The following GAPDHS variants were observed in gnomAD, a reference collection of about 807,000 sequenced individuals.
GAPDHS encodes the protein glyceraldehyde-3-phosphate dehydrogenase, spermatogenic, also known as glyceraldehyde-3-phosphate dehydrogenase, testis-specific.
A neutral mutation model predicts 48.7 loss-of-function variants in GAPDHS; 42 were observed. The observed-to-expected ratio is 0.86, with a 90% confidence interval of 0.67 to 1.12. The LOEUF (loss-of-function observed/expected upper bound fraction) is 1.12. Ranked by LOEUF, GAPDHS falls within the 50% of genes most tolerant of loss-of-function variation. GAPDHS has a pLI of 0.00. For synonymous variants in GAPDHS, 166 were observed against 219.1 expected (o/e 0.76, Z 2.14); for missense variants, 512 against 557.7 (o/e 0.92, Z 0.82).
chr19:35,544,242 G>A (rs1350758973), intron 9 of GAPDHS: 2 of 173,374 alleles, frequency 1.2e-5, no homozygotes, highest in Non-Finnish European at 2.5e-5. Context: ...TACATGCTTA[G>A]TGAACAAAAG....
Position 35,542,972 on chromosome 19 carries a change from G to A in GAPDHS, c.687G>A (p.Leu229=). 6.2e-7 allele frequency: 1 copy of A among 1,614,128 alleles called. No homozygotes were observed. The highest frequency in any genetic ancestry group is 8.5e-7 in the Non-Finnish European group (1 of 1,179,948). Residue 229 remains leucine, a synonymous_variant, in exon 7 of 11, where the codon TTG becomes TTA. Transcript: ENST00000222286. The stretch of plus-strand genomic sequence containing the variant: ...ACGCGTCCTGCACCACCAACTGTTT[G>A]GCTCCCCTCGCCAAAGTCATCCACG... ...VSNASCTTNC[L]APLAKVIHER... is the part of the protein sequence containing the mutation.
At chr19:35,540,049 C>G (rs2071491663) in intron 4 of GAPDHS, among the ~76,000 whole-genome samples, 1 of 152,226 alleles carries the variant, frequency 6.6e-6, no homozygotes, top group African/African-American at 2.4e-5. Context: ...TGCACCTCCG[C>G]TAGCTAGCTG....
rs777082357 is a variant in GAPDHS, at chr19:35,542,942, C to T, written c.660-3C>T. The T allele has an allele frequency of 8.7e-6, 14 of 1,613,132 alleles. No individual in the cohort carries two copies. The highest frequency in any genetic ancestry group is 1.2e-5 in the Non-Finnish European group (14 of 1,179,032). On this transcript the variant is annotated splice_polypyrimidine_tract_variant and splice_region_variant and intron_variant, in intron 6 of 10. Coordinates refer to ENST00000222286, the MANE Select transcript of GAPDHS (RefSeq NM_014364.5). ...GTGTCCGTGCACACCTTGGCTGTTT[C>T]AGCAACGCGTCCTGCACCACCAACT...
chr19:35,545,057 C>G, intron 10 of GAPDHS, 41 bp from the exon 11 acceptor site: 1 of 1,603,788 alleles, frequency 6.2e-7, no homozygotes, highest in Non-Finnish European at 8.5e-7. Flanking sequence ...AAGGGGTGGT[C>G]GGAAGGAACC....
At position 35,537,093 on chromosome 19, in the gene GAPDHS, C is replaced by T. The variant is rs538933884; in HGVS notation, c.245+103C>T. 2.8e-4 allele frequency: 273 copies of T among 978,082 alleles called. 1 individual carries two copies. Among genetic ancestry groups the T allele is most frequent in the Non-Finnish European group, 3.8e-4 (249 of 650,982 alleles). The allele number at this position is 978,082 out of a possible 1,614,324, so 60.6% of individuals were successfully genotyped here. On this transcript the variant is annotated intron_variant, in intron 2 of 10. Coordinates refer to ENST00000222286, the MANE Select transcript of GAPDHS (RefSeq NM_014364.5). ...CCACATTTCCCCCCATCAATGCTTT[C>T]GTTCCGACGACCCTGGAGAAATAGC...
Position 35,543,834 on chromosome 19 carries a change from G to A in GAPDHS, c.1056+7G>A, listed in dbSNP as rs1239231701. ...TGCCTACACCGAGGATGAGGTAGGG[G>A]CTGAGGAGAGGAGACCCTGGGAGGA... On this transcript the variant is annotated splice_region_variant and intron_variant, in intron 9 of 10. Transcript: ENST00000222286. The A allele has an allele frequency of 2.5e-6, 4 of 1,602,404 alleles. No individual in the cohort carries two copies. Among genetic ancestry groups the A allele is most frequent in the Non-Finnish European group, 2.6e-6 (3 of 1,174,732 alleles).
At position 35,543,372 on chromosome 19, in the gene GAPDHS, G is replaced by C. The variant is rs2071519174; in HGVS notation, c.774G>C (p.Lys258Asn). 6.2e-7 allele frequency: 1 copy of C among 1,612,910 alleles called. No individual in the cohort carries two copies. ...TTVHSYTATQ[K>N]TVDGPSRKAW... is the part of the protein sequence containing the mutation. Reference sequence around the variant, plus strand: ...TCCATTCCTACACGGCCACCCAGAAGACAGTGGACGGGCCATCAAGGAAGG... The same window carrying C: ...TCCATTCCTACACGGCCACCCAGAACACAGTGGACGGGCCATCAAGGAAGG... The change falls in exon 8 of 11, where the codon AAG becomes AAC. Residue 258 changes from lysine (K) to asparagine (N), a missense_variant. Coordinates refer to ENST00000222286, the MANE Select transcript of GAPDHS (RefSeq NM_014364.5).
Position 35,536,810 on chromosome 19 carries a change from T to G in GAPDHS, c.68-3T>G, listed in dbSNP as rs200903529. The G allele has an allele frequency of 2.5e-4, 402 of 1,601,154 alleles. No homozygotes were observed. The highest frequency in any genetic ancestry group is 2.5e-3 in the Middle Eastern group (15 of 6,004). On this transcript the variant is annotated splice_region_variant and splice_polypyrimidine_tract_variant and intron_variant, in intron 1 of 10. Transcript: ENST00000222286. ...AACCCATTCCCTCCCTTCCCCCGCA[T>G]AGTGACCAGAGCACCGCCCCCACCT... is the stretch of plus-strand genomic sequence containing the variant.
At position 35,543,829 on chromosome 19, in the gene GAPDHS, T is replaced by C. The variant is rs1600134988; in HGVS notation, c.1056+2T>C. On this transcript the variant is annotated splice_donor_variant, in intron 9 of 10. Coordinates refer to ENST00000222286, the MANE Select transcript of GAPDHS (RefSeq NM_014364.5). LOFTEE classifies it high-confidence loss of function. ...ATCCTTGCCTACACCGAGGATGAGG[T>C]AGGGGCTGAGGAGAGGAGACCCTGG... 6.2e-7 allele frequency: 1 copy of C among 1,609,026 alleles called. No homozygotes were observed. The highest frequency in any genetic ancestry group is 8.5e-7 in the Non-Finnish European group (1 of 1,178,036).
intron 6 of GAPDHS, 54 bp downstream of exon 6, chr19:35,542,662 TC>T: frequency 8.4e-7 from 1 of 1,192,844 alleles, no homozygotes; most frequent in Non-Finnish European, 1.2e-6. Context: ...AGACTCGTCC[TC>T]CCCACCCTCA....
chr19:35,544,754 G>A, intron 9 of GAPDHS, 155 bp from the exon 10 acceptor site: 1 of 648,684 alleles, frequency 1.5e-6, no homozygotes. Flanking sequence ...CCTGCACTTG[G>A]TCATACCCTC....
chr19:35,534,193 G>GCACA lies in GAPDHS; in HGVS notation c.67+615_67+618dup, dbSNP rs3216892. On this transcript the variant is annotated intron_variant, in intron 1 of 10. Coordinates refer to ENST00000222286, the MANE Select transcript of GAPDHS (RefSeq NM_014364.5). ...ACAAGGGCGGCGCGCCCGCGCGCGC[G>GCACA]CACACACACACACACACACTCACTC... Among the ~76,000 whole-genome samples, 20 of 137,018 alleles carry GCACA rather than the reference G, an allele frequency of 1.5e-4. No individual in the cohort carries two copies. In the South Asian group the frequency reaches 3.1e-3, roughly 21 times the overall value. 89.9% of individuals were successfully genotyped at this position (137,018 alleles called of 152,430 possible).
chr19:35,536,401 C>T (rs1018471571), intron 1 of GAPDHS, among the ~76,000 whole-genome samples: 1 of 151,802 alleles, frequency 6.6e-6, no homozygotes, highest in African/African-American at 2.4e-5. Flanking sequence ...CCAAGTGAAA[C>T]CCTGTATCTA....
chr19:35,533,615 C>A (rs758021713), intron 1 of GAPDHS, 21 bp downstream of exon 1: 26 of 1,594,500 alleles, frequency 1.6e-5, no homozygotes, highest in Non-Finnish European at 2.1e-5. Flanking sequence ...CAGCGGAGGG[C>A]GCGGGGGAGG....
rs773329392 is a variant in GAPDHS at position 35,542,587 on chromosome 19, C to T, written c.638C>T (p.Pro213Leu). ...GGTGTCAATGAAAATGACTATAACC[C>T]TGGCTCCATGAACATTGTGAGGTAA... Reference protein sequence around the residue: ...VMGVNENDYNPGSMNIVSNAS... With the variant: ...VMGVNENDYNLGSMNIVSNAS... Residue 213 changes from proline (P) to leucine (L), a missense_variant, in exon 6 of 11, where the codon CCT (proline) becomes CTT (leucine). Coordinates refer to ENST00000222286, the MANE Select transcript of GAPDHS (RefSeq NM_014364.5). 11 of 1,611,470 alleles carry T rather than the reference C, an allele frequency of 6.8e-6. No homozygotes were observed. In the South Asian group the frequency reaches 8.8e-5, roughly 13 times the overall value.
intron 2 of GAPDHS, among the ~76,000 whole-genome samples, chr19:35,537,643 G>A (rs1350402698): frequency 6.6e-6 from 1 of 152,230 alleles, no homozygotes; most frequent in Non-Finnish European, 1.5e-5. Flanking sequence ...ACTTTGGGAG[G>A]CCAAGGTAGG....
rs761148467 is a variant in GAPDHS, at chr19:35,542,518, T to C, written c.569T>C (p.Val190Ala). The C allele has an allele frequency of 1.9e-6, 3 of 1,613,892 alleles. No homozygotes were observed. In the East Asian group the frequency reaches 6.7e-5, roughly 36 times the overall value. The change falls in exon 6 of 11, where the codon GTG becomes GCG. Residue 190 changes from valine to alanine, a missense_variant. By Grantham distance (64) the Val-to-Ala change is moderately conservative (BLOSUM62 0). Coordinates refer to ENST00000222286, the MANE Select transcript of GAPDHS (RefSeq NM_014364.5). ...SDHISAGAQRVVISAPSPDAP... is the reference protein window; with the variant it reads ...SDHISAGAQRAVISAPSPDAP... ...CACATCTCTGCAGGTGCTCAACGTG[T>C]GGTCATCTCCGCGCCCTCACCGGAT...
At position 35,538,317 on chromosome 19, in the gene GAPDHS, A is replaced by G. The variant is rs772960179; in HGVS notation, c.256A>G (p.Ile86Val). Residue 86 changes from isoleucine to valine, a missense_variant, in exon 3 of 11, where the codon ATC becomes GTC. Ile to Val is a conservative substitution (Grantham distance 29). Coordinates refer to ENST00000222286, the MANE Select transcript of GAPDHS (RefSeq NM_014364.5). Reference sequence around the variant, plus strand: ...TCTGTCCCTGGCCAGATTTGGACGCATCGGTCGCCTGGTCCTGCGCGCCTG... The same window carrying G: ...TCTGTCCCTGGCCAGATTTGGACGCGTCGGTCGCCTGGTCCTGCGCGCCTG... ...LTVGINGFGR[I>V]GRLVLRACME... 2 of 1,612,872 alleles carry G rather than the reference A, an allele frequency of 1.2e-6. No homozygotes were observed. The highest frequency in any genetic ancestry group is 1.7e-6 in the Non-Finnish European group (2 of 1,179,302).
intron 4 of GAPDHS, among the ~76,000 whole-genome samples, chr19:35,540,021 T>C (rs2071491492): frequency 6.6e-6 from 1 of 152,188 alleles, no homozygotes; most frequent in Non-Finnish European, 1.5e-5. Flanking sequence ...AGCCAGGCTG[T>C]GTGCCTGCAC....
Sources: allele counts gnomAD v4.1 joint callset (sites outside exome capture counted in the v4.1 genomes callset), GRCh38; gene constraint gnomAD v4.1.1; transcripts MANE v1.5; gene names NCBI Gene and HGNC (gene_info 2026-07-23, HGNC 2026-07-21).